Variants in PAX7 observed in about 807,000 individuals in gnomAD.
PAX7 encodes the protein paired box protein Pax-7.
In PAX7, 18 loss-of-function variants were observed where a neutral mutation model predicts 50.7. The observed-to-expected ratio is 0.36, with a 90% CI of 0.25 to 0.53. The LOEUF is 0.53. Ranked by LOEUF, PAX7 falls within the 20% of genes least tolerant of loss-of-function variation. The pLI is 0.93. For missense variants in PAX7, 644 were observed against 702.9 expected, an observed-to-expected ratio of 0.92 and a Z score of 0.95; for synonymous variants, 310 against 290.4, an observed-to-expected ratio of 1.07 and a Z score of -0.69.
At chr1:18,635,358 A>C (rs1417654486) in intron 3 of PAX7, 118 bp downstream of exon 3, 9 of 1,232,022 alleles carry the variant, frequency 7.3e-6, no homozygotes, top group South Asian at 1.6e-5. Context: ...ACTTACTGAG[A>C]AGTTGGGAGG....
intron 4 of PAX7, among the ~76,000 whole-genome samples, chr1:18,662,416 G>GTTCA (rs534267038): frequency 0.021 from 3,263 of 152,014 alleles, 53 homozygotes; most frequent in East Asian, 0.051. Context: ...TCCTTCTTTA[G>GTTCA]TTCATTCATT....
chr1:18,636,500 G>C lies in PAX7; in HGVS notation c.586+129G>C. 1.7e-6 allele frequency: 2 copies of C among 1,209,332 alleles called. No individual in the cohort carries two copies. The highest frequency in any genetic ancestry group is 1.2e-6 in the Non-Finnish European group (1 of 863,894). The allele number at this position is 1,209,332 out of a possible 1,614,324, so 74.9% of individuals were successfully genotyped here. On this transcript the variant is annotated intron_variant, in intron 4 of 8. Transcript: ENST00000420770. This position sits in a 1 kb window ranked among gnomAD's most constrained non-coding sequence, Gnocchi z 5.1. ...CCAGCGGAGAAACTCTCATGCTGCG[G>C]GGCAGCTGGGAGCCGCTCAGGCTTT...
intron 7 of PAX7, among the ~76,000 whole-genome samples, chr1:18,731,698 G>A (rs1021981698): frequency 6.6e-6 from 1 of 152,104 alleles, no homozygotes; most frequent in African/African-American, 2.4e-5. Flanking sequence ...TTGATCCACA[G>A]ACCCCCAGGG....
chr1:18,636,221 C>G lies in PAX7; in HGVS notation c.452-16C>G. On this transcript the variant is annotated splice_polypyrimidine_tract_variant and intron_variant, in intron 3 of 8. Coordinates refer to ENST00000420770, the MANE Select transcript of PAX7 (RefSeq NM_001135254.2). The surrounding 1 kb of genome is among the most constrained non-coding windows in gnomAD (Gnocchi z 5.1). ...CCAACAACTTATACTTGCTCTTTTG[C>G]CTTTGAATTTCTGAGGTTTAGTGAG... 6.2e-7 allele frequency: 1 copy of G among 1,612,960 alleles called. No individual in the cohort carries two copies. Among genetic ancestry groups the G allele is most frequent in the East Asian group, 2.2e-5 (1 of 44,844 alleles).
intron 4 of PAX7, among the ~76,000 whole-genome samples, chr1:18,669,980 G>T (rs1239882201): frequency 6.6e-6 from 1 of 151,522 alleles, no homozygotes; most frequent in Non-Finnish European, 1.5e-5. Flanking sequence ...CTACTCGGGA[G>T]GCTGAAGCAG....
intron 4 of PAX7, among the ~76,000 whole-genome samples, chr1:18,691,012 C>T (rs761557554): frequency 7.2e-5 from 11 of 152,178 alleles, no homozygotes; most frequent in Non-Finnish European, 1.5e-4. Context: ...CAGGGTCTTG[C>T]TCTGTTGTCC....
At chr1:18,692,047 C>T (rs1056832108) in intron 5 of PAX7, 94 bp downstream of exon 5, 20 of 1,208,794 alleles carry the variant, frequency 1.7e-5, no homozygotes, top group African/African-American at 3.0e-5. Flanking sequence ...TGGGACCCCT[C>T]GGGGGGTTTA....
At chr1:18,709,513 C>A (rs906327785) in intron 7 of PAX7, among the ~76,000 whole-genome samples, 1 of 152,214 alleles carries the variant, frequency 6.6e-6, no homozygotes, top group Admixed American at 6.5e-5. Flanking sequence ...TCCGGTCCAG[C>A]CTGTGCCTTT....
chr1:18,637,626 C>G (rs906957906), intron 4 of PAX7, among the ~76,000 whole-genome samples: 1 of 152,244 alleles, frequency 6.6e-6, no homozygotes, highest in Admixed American at 6.5e-5. Flanking sequence ...TCAGAAGACC[C>G]TCCCAACCTT....
chr1:18,681,192 G>T (rs1175051976), intron 4 of PAX7, among the ~76,000 whole-genome samples: 230 of 87,754 alleles, frequency 2.6e-3, no homozygotes, highest in African/African-American at 7.7e-3. Flanking sequence ...AAAAAAAAAA[G>T]ATTTTGAGCT....
At chr1:18,657,862 C>T (rs1483714573) in intron 4 of PAX7, among the ~76,000 whole-genome samples, 2 of 152,124 alleles carry the variant, frequency 1.3e-5, no homozygotes, top group African/African-American at 4.8e-5. Context: ...ATGAGAACAT[C>T]AGCTATTGAA....
intron 7 of PAX7, among the ~76,000 whole-genome samples, chr1:18,732,968 T>C (rs1010419095): frequency 1.3e-5 from 2 of 152,134 alleles, no homozygotes; most frequent in African/African-American, 4.8e-5. Flanking sequence ...AAAGAAGTGA[T>C]CTGGAGCCTG....
At chr1:18,703,333 C>A in intron 7 of PAX7, 37 bp downstream of exon 7, 1 of 1,583,074 alleles carries the variant, frequency 6.3e-7, no homozygotes, top group Non-Finnish European at 8.7e-7. Flanking sequence ...GATCCCACCG[C>A]CACGAAAGTC....
chr1:18,643,513 A>T (rs1007964556), intron 4 of PAX7, among the ~76,000 whole-genome samples: 2 of 152,234 alleles, frequency 1.3e-5, no homozygotes, highest in African/African-American at 4.8e-5. Flanking sequence ...GGCGCCGAGC[A>T]GCAGGAAGAA....
chr1:18,734,260 C>T (rs913480659), intron 7 of PAX7, among the ~76,000 whole-genome samples: 3 of 152,172 alleles, frequency 2.0e-5, no homozygotes, highest in Non-Finnish European at 4.4e-5. Flanking sequence ...TTCTCCGTCT[C>T]GGTGCTGGGC....
chr1:18,715,470 C>T (rs2089406903), intron 7 of PAX7, among the ~76,000 whole-genome samples: 1 of 152,094 alleles, frequency 6.6e-6, no homozygotes, highest in Non-Finnish European at 1.5e-5. Flanking sequence ...TTATAACATC[C>T]CCTTGGAGGA....
intron 4 of PAX7, among the ~76,000 whole-genome samples, chr1:18,690,252 G>A (rs1416953256): frequency 9.2e-5 from 14 of 152,246 alleles, no homozygotes; most frequent in Non-Finnish European, 2.9e-5. Flanking sequence ...AGATGGAGAA[G>A]GAGAGGAAGG....
intron 4 of PAX7, among the ~76,000 whole-genome samples, chr1:18,643,841 A>G (rs2088297255): frequency 6.6e-6 from 1 of 152,100 alleles, no homozygotes; most frequent in Non-Finnish European, 1.5e-5. Flanking sequence ...GGCGGGAGGG[A>G]GGCCGACCCC....
intron 3 of PAX7, among the ~76,000 whole-genome samples, chr1:18,635,529 A>AAGGAAGGAAGGAAGGAAG (rs1553133206): frequency 1.6e-4 from 8 of 49,112 alleles, no homozygotes; most frequent in Non-Finnish European, 2.6e-4. Context: ...AAGGAAGGAA[A>AAGGAAGGAAGGAAGGAAG]GAAGGAAGGA....
Sources: allele counts gnomAD v4.1 joint callset (sites outside exome capture counted in the v4.1 genomes callset), GRCh38; gene constraint gnomAD v4.1.1; non-coding constraint Gnocchi (gnomAD v3.1); transcripts MANE v1.5; gene names NCBI Gene and HGNC (gene_info 2026-07-23, HGNC 2026-07-21).